KCNQ3: variants seen among roughly 807,000 people sequenced by gnomAD.
The protein encoded by KCNQ3 is potassium voltage-gated channel subfamily Q member 3, also known as potassium voltage-gated channel subfamily KQT member 3.
Under a neutral mutation model 92.5 loss-of-function variants are expected in KCNQ3, and 30 were observed. That is an observed-to-expected ratio of 0.32 (90% confidence interval 0.24 to 0.44). The LOEUF (loss-of-function observed/expected upper bound fraction) is 0.44. Ranked by LOEUF, KCNQ3 falls within the 20% of genes least tolerant of loss-of-function variation. The pLI is 1.00. For synonymous variants in KCNQ3, 450 were observed against 468.8 expected, an observed-to-expected ratio of 0.96 and a Z score of 0.52; for missense variants, 913 against 1,140.3, an observed-to-expected ratio of 0.80 and a Z score of 2.87.
At chr8:132,274,729 C>T (rs961609360) in intron 1 of KCNQ3, among the ~76,000 whole-genome samples, 2 of 152,172 alleles carry the variant, frequency 1.3e-5, no homozygotes, top group East Asian at 1.9e-4. Flanking sequence ...TATGTCAACA[C>T]ATAAATAAGT....
chr8:132,448,020 T>C (rs1422512870), intron 1 of KCNQ3, among the ~76,000 whole-genome samples: 2 of 152,168 alleles, frequency 1.3e-5, no homozygotes, highest in African/African-American at 4.8e-5. Context: ...TTGTGAGGAT[T>C]GAAAGAGCAC....
chr8:132,314,666 A>G (rs2130620031), intron 1 of KCNQ3, among the ~76,000 whole-genome samples: 1 of 152,376 alleles, frequency 6.6e-6, no homozygotes, highest in Middle Eastern at 3.4e-3. Flanking sequence ...AGAATATAAA[A>G]TTTAGTTTAT....
At chr8:132,354,971 C>A (rs184289499) in intron 1 of KCNQ3, among the ~76,000 whole-genome samples, 1 of 152,152 alleles carries the variant, frequency 6.6e-6, no homozygotes, top group East Asian at 1.9e-4. Context: ...ATTGTCTCTG[C>A]GACTGCCCTA....
intron 1 of KCNQ3, among the ~76,000 whole-genome samples, chr8:132,406,437 T>G (rs1820481357): frequency 6.6e-6 from 1 of 152,178 alleles, no homozygotes; most frequent in South Asian, 2.1e-4. Context: ...CAGTTTCATA[T>G]GGACATGAAG....
rs563443670 is a variant in KCNQ3 at position 132,142,546 on chromosome 8, C to CT, written c.1263-1216dup. Among the ~76,000 whole-genome samples, 21 of 152,206 alleles carry CT rather than the reference C, an allele frequency of 1.4e-4. 1 individual carries two copies. The South Asian group carries it at 4.4e-3, about 32-fold the overall frequency. On this transcript the variant is annotated intron_variant, in intron 9 of 14. Coordinates refer to ENST00000388996, the MANE Select transcript of KCNQ3 (RefSeq NM_004519.4). ...CCTAGTGAGCACGAAGGATAAAGTC[C>CT]TTTTTTGTGGTACTTTCCAGAGAGT...
At chr8:132,302,375 G>A (rs569981518) in intron 1 of KCNQ3, among the ~76,000 whole-genome samples, 1 of 152,364 alleles carries the variant, frequency 6.6e-6, no homozygotes. Context: ...GTCAGGCAGA[G>A]CAGTGGCTAC....
intron 1 of KCNQ3, among the ~76,000 whole-genome samples, chr8:132,311,511 T>C (rs544204567): frequency 5.3e-5 from 8 of 152,304 alleles, no homozygotes; most frequent in African/African-American, 1.9e-4. Context: ...CTCATTAAAA[T>C]GCCACCAAGG....
chr8:132,428,444 G>A (rs964720250), intron 1 of KCNQ3, among the ~76,000 whole-genome samples: 4 of 152,008 alleles, frequency 2.6e-5, no homozygotes, highest in African/African-American at 7.3e-5. Context: ...ATTTAAAACC[G>A]CAATCAGCCT....
At chr8:132,425,818 G>C (rs1408786565) in intron 1 of KCNQ3, among the ~76,000 whole-genome samples, 2 of 152,204 alleles carry the variant, frequency 1.3e-5, no homozygotes, top group Non-Finnish European at 2.9e-5. Context: ...ACTCCTGTCA[G>C]CTCAATGAAT....
intron 1 of KCNQ3, among the ~76,000 whole-genome samples, chr8:132,194,155 G>A (rs73356941): frequency 0.027 from 4,116 of 152,270 alleles, 217 homozygotes; most frequent in African/African-American, 0.095. Context: ...CCATTGAATA[G>A]CGATGCATAG....
At chr8:132,156,851 G>C (rs1586781273) in intron 9 of KCNQ3, among the ~76,000 whole-genome samples, 1 of 152,128 alleles carries the variant, frequency 6.6e-6, no homozygotes, top group Non-Finnish European at 1.5e-5. Flanking sequence ...TCCAATGACT[G>C]TTGCCTTTAT....
chr8:132,259,731 A>G (rs1815710902), intron 1 of KCNQ3, among the ~76,000 whole-genome samples: 1 of 152,182 alleles, frequency 6.6e-6, no homozygotes, highest in Non-Finnish European at 1.5e-5. Context: ...TGCAACTGAC[A>G]TGATCTTTTA....
At chr8:132,337,926 T>C (rs1162736865) in intron 1 of KCNQ3, among the ~76,000 whole-genome samples, 4 of 152,190 alleles carry the variant, frequency 2.6e-5, no homozygotes, top group Admixed American at 1.3e-4. Flanking sequence ...TAAATGCACA[T>C]GATATTCTTA....
At chr8:132,206,196 G>C (rs903612717) in intron 1 of KCNQ3, among the ~76,000 whole-genome samples, 1 of 152,116 alleles carries the variant, frequency 6.6e-6, no homozygotes, top group African/African-American at 2.4e-5. Flanking sequence ...CCTGCTCTGG[G>C]TCATCCCTGT....
intron 1 of KCNQ3, among the ~76,000 whole-genome samples, chr8:132,231,379 T>C (rs2130374207): frequency 6.6e-6 from 1 of 152,354 alleles, no homozygotes; most frequent in South Asian, 2.1e-4. Flanking sequence ...ATGTTTTCTC[T>C]GTTAAGGACT....
chr8:132,419,610 C>T (rs1182416387), intron 1 of KCNQ3, among the ~76,000 whole-genome samples: 2 of 152,140 alleles, frequency 1.3e-5, no homozygotes, highest in African/African-American at 4.8e-5. Context: ...TGCCTGTGCC[C>T]TCAGAGAGTG....
intron 1 of KCNQ3, among the ~76,000 whole-genome samples, chr8:132,450,859 G>T (rs1361372844): frequency 2.6e-5 from 4 of 152,176 alleles, no homozygotes; most frequent in Admixed American, 6.5e-5. Context: ...AAGGGAAGGG[G>T]GTGAGAGAAA....
At chr8:132,182,225 T>C (rs1826806390) in intron 3 of KCNQ3, among the ~76,000 whole-genome samples, 1 of 152,182 alleles carries the variant, frequency 6.6e-6, no homozygotes. Context: ...CAAACCTATC[T>C]ATCTGTAATG....
chr8:132,140,470 C>T (rs1486788387), intron 10 of KCNQ3: 2 of 387,102 alleles, frequency 5.2e-6, no homozygotes, highest in Non-Finnish European at 9.4e-6. Context: ...AGAGTGGCCC[C>T]CAGAGCCAGA....
Sources: gnomAD v4.1 joint callset for allele counts (sites outside exome capture counted in the v4.1 genomes callset) on GRCh38, gnomAD v4.1.1 for gene constraint, MANE v1.5 for transcripts, NCBI Gene and HGNC (gene_info 2026-07-23, HGNC 2026-07-21) for gene names.